The following NOL9 variants were observed in gnomAD, a reference collection of about 807,000 sequenced individuals.
The protein encoded by NOL9 is nucleolar protein 9, also known as polynucleotide 5'-hydroxyl-kinase NOL9.
Under a neutral mutation model 67.9 loss-of-function variants are expected in NOL9, and 28 were observed. The observed-to-expected ratio is 0.41, with a 90% CI of 0.31 to 0.57. The LOEUF (loss-of-function observed/expected upper bound fraction) is 0.57. NOL9 is among the 20% of genes least tolerant of loss of function. The pLI is 0.25. For missense variants in NOL9, 777 were observed against 897.0 expected (o/e 0.87, Z 1.71); for synonymous variants, 356 against 352.2 (o/e 1.01, Z -0.12).
At chr1:6,528,462 T>C (rs1047840233) in intron 10 of NOL9, among the ~76,000 whole-genome samples, 5 of 152,098 alleles carry the variant, frequency 3.3e-5, no homozygotes, top group African/African-American at 9.7e-5. Context: ...AAGTACCAAA[T>C]GAAGGCTAGG....
chr1:6,542,194 CGCTGTTGCCCAG>C (rs1639308736), intron 5 of NOL9, among the ~76,000 whole-genome samples: 1 of 149,820 alleles, frequency 6.7e-6, no homozygotes, highest in East Asian at 1.9e-4. Context: ...TGGAGTCTCA[CGCTGTTGCCCAG>C]GCTGGGCTGC....
chr1:6,527,287 T>C (rs1638909508), intron 10 of NOL9, among the ~76,000 whole-genome samples: 1 of 149,654 alleles, frequency 6.7e-6, no homozygotes, highest in East Asian at 2.0e-4. Context: ...ATGGAGTCCT[T>C]GAACACTGGG....
rs775475304 is a variant in NOL9, at chr1:6,526,727, A to G, written c.1928T>C (p.Ile643Thr). ...CTTAAGGACACAATGTGGAATGGCA[A>G]TAGCTCCAACGAGCAGACAATTCAC... ...RTVNCLLVGA[I>T]AIPHCVLKCQ... Residue 643 changes from isoleucine (I) to threonine (T), a missense_variant, in exon 11 of 12, where the codon ATT (isoleucine) becomes ACT (threonine). Physicochemically the swap from Ile to Thr is moderately conservative, Grantham distance 89. This residue lies in a region of NOL9 where 413 missense variants were observed against 552.6 expected (regional missense o/e 0.75). Transcript: ENST00000377705. 2 of 1,613,754 alleles carry G rather than the reference A, an allele frequency of 1.2e-6. No homozygotes were observed. The highest frequency in any genetic ancestry group is 1.3e-5 in the African/African-American group (1 of 74,926).
chr1:6,551,288 A>G (rs879764821), intron 1 of NOL9, among the ~76,000 whole-genome samples: 3 of 152,024 alleles, frequency 2.0e-5, no homozygotes, highest in African/African-American at 7.2e-5. Flanking sequence ...TCCATCAGTA[A>G]TAAGTATTGG....
intron 1 of NOL9, among the ~76,000 whole-genome samples, chr1:6,552,905 G>A (rs575575403): frequency 3.9e-5 from 6 of 152,054 alleles, no homozygotes; most frequent in South Asian, 2.1e-4. Flanking sequence ...TCCAGCTCCC[G>A]GGTTCAAGCA....
chr1:6,530,889 C>T (rs760963425), intron 9 of NOL9, among the ~76,000 whole-genome samples: 1 of 152,230 alleles, frequency 6.6e-6, no homozygotes, highest in Non-Finnish European at 1.5e-5. Context: ...CAGAGTCGGG[C>T]GTCCTGCGGC....
At chr1:6,526,641 A>T in intron 11 of NOL9, 55 bp downstream of exon 11, 1 of 1,529,930 alleles carries the variant, frequency 6.5e-7, no homozygotes, top group East Asian at 2.3e-5. Flanking sequence ...TCAGCTCCTC[A>T]CTTCTGTGGA....
At chr1:6,529,314 GGCACAGTGGCTCACGCATGTAATCCCA>G (rs1219548775) in intron 9 of NOL9, 143 bp from the exon 10 acceptor site, 24 of 741,908 alleles carry the variant, frequency 3.2e-5, no homozygotes, top group Admixed American at 5.5e-5. Context: ...AAAACAGCCA[GGCACAGTGGCTCACGCATGTAATCCCA>G]GCACTTTGGG....
chr1:6,550,252 C>T lies in NOL9; in HGVS notation c.616+144G>A, dbSNP rs192096611. On this transcript the variant is annotated intron_variant, in intron 2 of 11. Transcript: ENST00000377705. ...TTCACCATCTTAGCCAGGATGGTCT[C>T]GATCTCCTGACCTCATGATCCGCCC... The T allele has an allele frequency of 5.2e-4, 336 of 650,238 alleles. 2 individuals carry two copies. The East Asian group carries it at 7.1e-3, about 14-fold the overall frequency. The allele number at this position is 650,238 out of a possible 1,614,324, so 40.3% of individuals were successfully genotyped here. A position where few individuals can be genotyped will look rare whatever the true frequency, so the allele number is the denominator to read the frequency against.
At chr1:6,553,323 T>G (rs1431684378) in intron 1 of NOL9, among the ~76,000 whole-genome samples, 1 of 152,118 alleles carries the variant, frequency 6.6e-6, no homozygotes, top group Non-Finnish European at 1.5e-5. Flanking sequence ...GGCATCCACG[T>G]TAAGAATCAG....
chr1:6,551,430 C>T (rs1405068122), intron 1 of NOL9, among the ~76,000 whole-genome samples: 1 of 150,994 alleles, frequency 6.6e-6, no homozygotes, highest in African/African-American at 2.4e-5. Context: ...CCACCCCCGC[C>T]ACCACCATCT....
intron 5 of NOL9, among the ~76,000 whole-genome samples, chr1:6,543,530 T>C (rs904333883): frequency 5.3e-5 from 8 of 152,098 alleles, no homozygotes; most frequent in African/African-American, 1.9e-4. Flanking sequence ...AGACACAGTG[T>C]CACTCTGTTG....
chr1:6,530,398 G>A (rs1483389100), intron 9 of NOL9, among the ~76,000 whole-genome samples: 1 of 152,222 alleles, frequency 6.6e-6, no homozygotes, highest in Non-Finnish European at 1.5e-5. Flanking sequence ...AGGTTGCAGT[G>A]AGCCAAGCAC....
At chr1:6,535,125 G>GA (rs1468113061) in intron 6 of NOL9, among the ~76,000 whole-genome samples, 1 of 152,136 alleles carries the variant, frequency 6.6e-6, no homozygotes, top group Non-Finnish European at 1.5e-5. Flanking sequence ...GAGACAGATA[G>GA]AAAAGGTATC....
rs1639391680 is a variant in NOL9 at position 6,545,147 on chromosome 1, C to G, written c.778G>C (p.Ala260Pro). 1.9e-6 allele frequency: 3 copies of G among 1,614,020 alleles called. No homozygotes were observed. The highest frequency in any genetic ancestry group is 2.5e-6 in the Non-Finnish European group (3 of 1,179,970). Reference sequence around the variant, plus strand: ...CTTCTGATGCCAACAGACCTCAAGGCTAAATATTCAGGTTTAATCTGGGGA... The same window carrying G: ...CTTCTGATGCCAACAGACCTCAAGGGTAAATATTCAGGTTTAATCTGGGGA... ...PTPQIKPEYL[A>P]LRSVGIRREK... The change falls in exon 4 of 12, where the codon GCC becomes CCC. Residue 260 changes from alanine (A) to proline (P), a missense_variant. By Grantham distance (27) the Ala-to-Pro change is conservative. This residue lies in a region of NOL9 where 413 missense variants were observed against 552.6 expected (regional missense o/e 0.75). Coordinates refer to ENST00000377705, the MANE Select transcript of NOL9 (RefSeq NM_024654.5).
At chr1:6,537,540 C>T (rs1324417774) in intron 6 of NOL9, among the ~76,000 whole-genome samples, 1 of 152,012 alleles carries the variant, frequency 6.6e-6, no homozygotes, top group African/African-American at 2.4e-5. Flanking sequence ...AAACAAATAA[C>T]CCAACTGAAA....
chr1:6,535,189 G>A (rs1639121501), intron 6 of NOL9, among the ~76,000 whole-genome samples: 1 of 152,142 alleles, frequency 6.6e-6, no homozygotes, highest in Non-Finnish European at 1.5e-5. Context: ...GTATGTTTGG[G>A]TTTAAATATG....
rs752571076 is a variant in NOL9 at position 6,532,021 on chromosome 1, G to A, written c.1594C>T (p.Gln532Ter). The change falls in exon 9 of 12, where the codon CAG (glutamine) becomes TAG (stop). Residue 532 changes from glutamine to a stop codon, truncating the protein, a stop_gained. Coordinates refer to ENST00000377705, the MANE Select transcript of NOL9 (RefSeq NM_024654.5). LOFTEE classifies it high-confidence loss of function. ...GAAAGTGGTTTGGGCATCGGGGGCT[G>A]CAGCTGGCTAAGGTAACTCAAGATG... The part of the protein sequence containing the change: ...LSILSYLSQL[Q>*]PPMPKPLSPL... The A allele has an allele frequency of 1.2e-6, 2 of 1,614,066 alleles. No individual in the cohort carries two copies. Among genetic ancestry groups the A allele is most frequent in the African/African-American group, 2.7e-5 (2 of 74,938 alleles).
rs896109850 is a variant in NOL9 at position 6,526,003 on chromosome 1, G to C, written c.1960C>G (p.Arg654Gly). 1 of 1,613,230 alleles carries C rather than the reference G, an allele frequency of 6.2e-7. No individual in the cohort carries two copies. Among genetic ancestry groups the C allele is most frequent in the South Asian group, 1.1e-5 (1 of 91,062 alleles). Residue 654 changes from arginine (R) to glycine (G), a missense_variant and splice_region_variant, in exon 12 of 12, where the codon CGT becomes GGT. Coordinates refer to ENST00000377705, the MANE Select transcript of NOL9 (RefSeq NM_024654.5). ...TAAGGTACTGTCCCTTCGATCCCAC[G>C]CTGAAACGGAAACACAGAGAATGCA... is the stretch of plus-strand genomic sequence containing the variant. The part of the protein sequence containing the change: ...AIPHCVLKCQ[R>G]GIEGTVPYVT...
Sources: allele counts gnomAD v4.1 joint callset (sites outside exome capture counted in the v4.1 genomes callset), GRCh38; gene constraint gnomAD v4.1.1; regional missense constraint gnomAD v4.1.1; transcripts MANE v1.5; gene names NCBI Gene and HGNC (gene_info 2026-07-23, HGNC 2026-07-21).